The following COBLL1 variants were observed in gnomAD, a reference collection of about 807,000 sequenced individuals.
COBLL1 encodes the protein cordon-bleu protein-like 1.
COBLL1 carries 50 observed loss-of-function variants against 94.8 expected under a neutral mutation model. The ratio of observed to expected loss-of-function variants is 0.53; its 90% CI spans 0.42 to 0.67. The LOEUF is 0.67. Among genes scored for constraint, COBLL1 ranks in the 30% least tolerant of loss-of-function variants. The pLI, the probability that COBLL1 is intolerant of heterozygous loss-of-function variation, is 0.00. For synonymous variants in COBLL1, 448 were observed against 473.8 expected, an observed-to-expected ratio of 0.95 and a Z score of 0.71; for missense variants, 1,362 against 1,348.7, an observed-to-expected ratio of 1.01 and a Z score of -0.15.
At chr2:164,673,291 C>T (rs985922204) in intron 1 of COBLL1, among the ~76,000 whole-genome samples, 1 of 152,078 alleles carries the variant, frequency 6.6e-6, no homozygotes, top group African/African-American at 2.4e-5. Context: ...ATAAGAAAGG[C>T]GCAATGGAGA....
intron 2 of COBLL1, among the ~76,000 whole-genome samples, chr2:164,771,463 T>C (rs886976162): frequency 1.3e-5 from 2 of 152,030 alleles, no homozygotes; most frequent in Non-Finnish European, 2.9e-5. Context: ...AGTACCCCTA[T>C]TAGACAAAAC....
In COBLL1 at chr2:164,694,575, G is replaced by A. The variant is rs773804574; in HGVS notation, c.2817C>T (p.Ile939=). ...PLVEKTDDDV[I]GQAPAEASPP... ...GGGAGGCTTCAGCAGGAGCCTGACC[G>A]ATGACATCATCATCAGTTTTTTCAA... Residue 939 remains isoleucine, a synonymous_variant, in exon 12 of 14, where the codon ATC becomes ATT. Transcript: ENST00000652658. The A allele has an allele frequency of 5.6e-6, 9 of 1,613,916 alleles. No individual in the cohort carries two copies. Among genetic ancestry groups the A allele is most frequent in the Admixed American group, 3.3e-5 (2 of 59,962 alleles).
At chr2:164,677,337 T>C (rs2105391061), downstream of COBLL1, among the ~76,000 whole-genome samples, 1 of 152,254 alleles carries the variant, frequency 6.6e-6, no homozygotes, top group Non-Finnish European at 1.5e-5. Flanking sequence ...CCTACTTTGG[T>C]TTCTCTTGGG....
chr2:164,841,386 G>A lies in COBLL1; in HGVS notation c.-50-140C>T, dbSNP rs1683606726. The A allele has an allele frequency of 2.5e-6, 3 of 1,178,316 alleles. No homozygotes were observed. Among genetic ancestry groups the A allele is most frequent in the African/African-American group, 3.2e-5 (2 of 62,314 alleles). The allele number at this position is 1,178,316 out of a possible 1,614,324, so 73.0% of individuals were successfully genotyped here. A position where few individuals can be genotyped will look rare whatever the true frequency, so the allele number is the denominator to read the frequency against. ...CTCCCGGGTGCGCTTCCACCTGCGG[G>A]CCCCGGCTCCCAGCCCGCGGGCGCC... On this transcript the variant is annotated intron_variant, in intron 1 of 13. Coordinates refer to ENST00000652658, the MANE Select transcript of COBLL1 (RefSeq NM_001365672.2). The surrounding 1 kb of genome is among the most constrained non-coding windows in gnomAD (Gnocchi z 5.5).
chr2:164,774,692 C>T (rs1001256101), intron 2 of COBLL1, among the ~76,000 whole-genome samples: 16 of 152,106 alleles, frequency 1.1e-4, no homozygotes, highest in Admixed American at 2.6e-4. Flanking sequence ...TACAGCTCTA[C>T]GTACTTTGTA....
At chr2:164,775,935 C>T (rs933036117) in intron 2 of COBLL1, among the ~76,000 whole-genome samples, 4 of 152,012 alleles carry the variant, frequency 2.6e-5, no homozygotes, top group Admixed American at 6.6e-5. Context: ...ACTTTTCACC[C>T]CTCCTCCCTT....
intron 3 of COBLL1, among the ~76,000 whole-genome samples, chr2:164,730,593 T>C (rs193208149): frequency 1.3e-5 from 2 of 152,220 alleles, no homozygotes; most frequent in East Asian, 3.9e-4. Context: ...AAAATTGTAA[T>C]AGTTAAAAAG....
chr2:164,687,666 G>A (rs1453613293), intron 13 of COBLL1: 9 of 804,106 alleles, frequency 1.1e-5, no homozygotes, highest in Non-Finnish European at 1.9e-5. Context: ...GTCCCTTAGA[G>A]CAACCTATAG....
intron 2 of COBLL1, chr2:164,837,410 G>A (rs1343190404): frequency 1.3e-5 from 6 of 452,124 alleles, no homozygotes; most frequent in Admixed American, 5.1e-5. Context: ...GGATATCCAC[G>A]TTAGAGAAGG....
At chr2:164,792,824 C>G (rs1475183011) in intron 2 of COBLL1, among the ~76,000 whole-genome samples, 3 of 152,066 alleles carry the variant, frequency 2.0e-5, no homozygotes, top group Non-Finnish European at 4.4e-5. Context: ...ACACGCCTGT[C>G]CTGCAATCAG....
chr2:164,680,857 G>C lies in COBLL1; in HGVS notation c.*5089C>G, dbSNP rs893876794. ...GACAAATTTAATGACCTTCTGAAGG[G>C]GGTCTAGATGACTTTGACAGCTGGG... On this transcript the variant is annotated 3_prime_UTR_variant, in exon 14 of 14. Transcript: ENST00000652658. 4 of 152,190 alleles carry C rather than the reference G, an allele frequency of 2.6e-5. No homozygotes were observed. The East Asian group carries it at 7.7e-4, about 29-fold the overall frequency. The allele number at this position is 152,190 out of a possible 1,614,324, so 9.4% of individuals were successfully genotyped here. A position where few individuals can be genotyped will look rare whatever the true frequency, so the allele number is the denominator to read the frequency against.
chr2:164,725,434 T>G (rs1323223300), intron 5 of COBLL1, among the ~76,000 whole-genome samples: 1 of 152,166 alleles, frequency 6.6e-6, no homozygotes, highest in Non-Finnish European at 1.5e-5. Flanking sequence ...TTATTTATTT[T>G]TTTGAAACGG....
intron 2 of COBLL1, among the ~76,000 whole-genome samples, chr2:164,804,057 G>A (rs1443050297): frequency 6.6e-6 from 1 of 151,188 alleles, no homozygotes; most frequent in Non-Finnish European, 1.5e-5. Flanking sequence ...ATAAGGCTAG[G>A]GAGGAGGACC....
intron 2 of COBLL1, among the ~76,000 whole-genome samples, chr2:164,831,794 A>G (rs2105382900): frequency 6.6e-6 from 1 of 152,300 alleles, no homozygotes; most frequent in South Asian, 2.1e-4. Flanking sequence ...TAATACAGCA[A>G]GTGACTATCA....
At position 164,694,355 on chromosome 2, in the gene COBLL1, C is replaced by A. The variant is rs1683779994; in HGVS notation, c.3037G>T (p.Val1013Phe). 2 of 1,613,952 alleles carry A rather than the reference C, an allele frequency of 1.2e-6. No homozygotes were observed. Among genetic ancestry groups the A allele is most frequent in the Non-Finnish European group, 8.5e-7 (1 of 1,179,914 alleles). Residue 1013 changes from valine (V) to phenylalanine (F), a missense_variant, in exon 12 of 14, where the codon GTC becomes TTC. Val to Phe is a conservative substitution (Grantham distance 50). Coordinates refer to ENST00000652658, the MANE Select transcript of COBLL1 (RefSeq NM_001365672.2). Reference protein sequence around the residue: ...RTESPSASALVQPPANTEEGK... With the variant: ...RTESPSASALFQPPANTEEGK... ...TCCTCTGTGTTGGCTGGAGGTTGGACCAATGCACTGGCACTAGGTGACTCG... is the reference window on the plus strand; with the variant it reads ...TCCTCTGTGTTGGCTGGAGGTTGGAACAATGCACTGGCACTAGGTGACTCG...
downstream of COBLL1, among the ~76,000 whole-genome samples, chr2:164,677,826 GTTAGATA>G (rs1691363282): frequency 6.6e-6 from 1 of 152,164 alleles, no homozygotes; most frequent in Admixed American, 6.5e-5. Context: ...ATATGCAAAT[GTTAGATA>G]TTATAGAATT....
intron 7 of COBLL1, among the ~76,000 whole-genome samples, chr2:164,712,649 A>C (rs1684957039): frequency 6.6e-6 from 1 of 152,056 alleles, no homozygotes; most frequent in Non-Finnish European, 1.5e-5. Flanking sequence ...TAGACAAGCA[A>C]GTCAATTTTA....
chr2:164,798,845 C>T (rs186523240), intron 2 of COBLL1, among the ~76,000 whole-genome samples: 1 of 151,756 alleles, frequency 6.6e-6, no homozygotes, highest in East Asian at 1.9e-4. Flanking sequence ...CGGTGAAACC[C>T]CGTCTCTACT....
chr2:164,810,939 A>G (rs1684429374), intron 2 of COBLL1, among the ~76,000 whole-genome samples: 1 of 151,970 alleles, frequency 6.6e-6, no homozygotes, highest in East Asian at 1.9e-4. Context: ...AACAAAACCT[A>G]GAGTTAGTCA....
Sources: allele counts gnomAD v4.1 joint callset (sites outside exome capture counted in the v4.1 genomes callset), GRCh38; gene constraint gnomAD v4.1.1; non-coding constraint Gnocchi (gnomAD v3.1); transcripts MANE v1.5; gene names NCBI Gene and HGNC (gene_info 2026-07-23, HGNC 2026-07-21).